Variants in TEX2 observed in about 807,000 individuals in gnomAD.
TEX2 encodes the protein testis expressed 2, also known as testis-expressed protein 2.
In TEX2, 53 loss-of-function variants were observed where a neutral mutation model predicts 106.9. The observed-to-expected ratio is 0.50, with a 90% CI of 0.40 to 0.62. The LOEUF (loss-of-function observed/expected upper bound fraction) is 0.62. Ranked by LOEUF, TEX2 falls within the 20% of genes least tolerant of loss-of-function variation. The pLI is 0.00. For synonymous variants in TEX2, 523 were observed against 534.8 expected (o/e 0.98, Z 0.30); for missense variants, 1,207 against 1,379.0 (o/e 0.88, Z 1.98).
intron 1 of TEX2, among the ~76,000 whole-genome samples, chr17:64,249,523 T>C (rs1555636702): frequency 6.6e-6 from 1 of 152,058 alleles, no homozygotes; most frequent in Non-Finnish European, 1.5e-5. Context: ...TCAACAAATA[T>C]ACATATATTA....
In TEX2 at chr17:64,154,883, C is replaced by T. The variant is rs2030543163; in HGVS notation, c.2889G>A (p.Glu963=). 1 of 1,608,990 alleles carries T rather than the reference C, an allele frequency of 6.2e-7. No individual in the cohort carries two copies. The highest frequency in any genetic ancestry group is 8.5e-7 in the Non-Finnish European group (1 of 1,178,314). Residue 963 remains glutamate, a synonymous_variant, in exon 9 of 12, where the codon GAG becomes GAA. Coordinates refer to ENST00000584379, the MANE Select transcript of TEX2 (RefSeq NM_001288732.2). ...GGAGCTGTTTGTCTCCCCCGCTGGG[C>T]TCTGGGGCATCGTCTTCCTCGGAGG... is the stretch of plus-strand genomic sequence containing the variant. ...AGSSEEDDAP[E]PSGGDKQLLP... is the part of the protein sequence containing the mutation.
At chr17:64,223,604 G>A (rs904251330) in intron 1 of TEX2, among the ~76,000 whole-genome samples, 10 of 151,734 alleles carry the variant, frequency 6.6e-5, no homozygotes, top group African/African-American at 2.4e-4. Flanking sequence ...AGGAAATACT[G>A]GAGGAAAGAA....
At chr17:64,222,822 G>A (rs2033396983) in intron 1 of TEX2, among the ~76,000 whole-genome samples, 1 of 151,930 alleles carries the variant, frequency 6.6e-6, no homozygotes, top group Admixed American at 6.6e-5. Context: ...CATACATTTG[G>A]GGTGGGGCAG....
In TEX2 at chr17:64,153,886, C is replaced by T. The variant is rs560148107; in HGVS notation, c.2931-732G>A. 7.2e-5 allele frequency among the ~76,000 whole-genome samples: 11 copies of T among 152,244 alleles called. No individual in the cohort carries two copies. Among genetic ancestry groups the T allele is most frequent in the South Asian group, 2.1e-4 (1 of 4,824 alleles). On this transcript the variant is annotated intron_variant, in intron 9 of 11. Coordinates refer to ENST00000584379, the MANE Select transcript of TEX2 (RefSeq NM_001288732.2). This position sits in a 1 kb window ranked among gnomAD's most constrained non-coding sequence, Gnocchi z 4.1. ...GGTTGAGGCTGCATTGAGCTATGAT[C>T]GTGCCACTGCACTCCAGGCCTGGGT... is the stretch of plus-strand genomic sequence containing the variant.
At chr17:64,207,798 C>G (rs1281787515) in intron 2 of TEX2, among the ~76,000 whole-genome samples, 1 of 150,726 alleles carries the variant, frequency 6.6e-6, no homozygotes, top group African/African-American at 2.4e-5. Flanking sequence ...GGCAGTGGTG[C>G]GATCGCAGCT....
intron 1 of TEX2, among the ~76,000 whole-genome samples, chr17:64,255,112 A>G (rs1486011083): frequency 7.0e-6 from 1 of 142,674 alleles, no homozygotes; most frequent in African/African-American, 2.6e-5. Flanking sequence ...GTGATCCTCC[A>G]CTTCGGTCTC....
At chr17:64,251,412 A>T (rs1421143088) in intron 1 of TEX2, among the ~76,000 whole-genome samples, 2 of 152,218 alleles carry the variant, frequency 1.3e-5, no homozygotes, top group Non-Finnish European at 2.9e-5. Flanking sequence ...TATAAAGCTT[A>T]AAGCCTTCTT....
intron 4 of TEX2, among the ~76,000 whole-genome samples, chr17:64,191,137 C>A (rs1283354459): frequency 6.6e-6 from 1 of 152,160 alleles, no homozygotes; most frequent in Non-Finnish European, 1.5e-5. Flanking sequence ...TCAAAGGCAA[C>A]CCAGACTTAC....
intron 8 of TEX2, among the ~76,000 whole-genome samples, chr17:64,160,444 TATTGCTGTTTATGACCG>T (rs2030830495): frequency 6.6e-6 from 1 of 152,226 alleles, no homozygotes; most frequent in Non-Finnish European, 1.5e-5. Flanking sequence ...CTGCTCCACA[TATTGCTGTTTATGACCG>T]GAAGGATCTT....
chr17:64,163,452 A>C (rs1178501015), intron 7 of TEX2, among the ~76,000 whole-genome samples: 1 of 152,170 alleles, frequency 6.6e-6, no homozygotes, highest in African/African-American at 2.4e-5. Flanking sequence ...GAATGGTTTA[A>C]GAACTTTTAA....
intron 1 of TEX2, among the ~76,000 whole-genome samples, chr17:64,243,579 A>G (rs925991594): frequency 6.6e-6 from 1 of 152,144 alleles, no homozygotes; most frequent in African/African-American, 2.4e-5. Context: ...GGAACAACCA[A>G]CAAGGGACAT....
rs1048258780 is a variant in TEX2 at position 64,149,148 on chromosome 17, C to G, written c.3262-57G>C. On this transcript the variant is annotated intron_variant, in intron 11 of 11. Transcript: ENST00000584379. ...GAAGAATGCCTTGCCAGGCTGTCAC[C>G]CTCCTTTGTTCTGATAATTTTAGGG... The G allele has an allele frequency of 1.1e-5, 17 of 1,591,866 alleles. No homozygotes were observed. In the Middle Eastern group the frequency reaches 5.0e-4, roughly 47 times the overall value.
At chr17:64,155,185 G>C (rs1343522636) in intron 8 of TEX2, 37 of 452,082 alleles carry the variant, frequency 8.2e-5, no homozygotes, top group Non-Finnish European at 1.3e-4. Context: ...TCAGCACCAA[G>C]GCCTCTGACA....
chr17:64,247,184 G>A (rs2034004405), intron 1 of TEX2, among the ~76,000 whole-genome samples: 2 of 151,596 alleles, frequency 1.3e-5, no homozygotes, highest in Non-Finnish European at 2.9e-5. Flanking sequence ...CAGGATAATC[G>A]CTTAAACCCA....
intron 6 of TEX2, among the ~76,000 whole-genome samples, chr17:64,176,426 T>G (rs933235462): frequency 6.6e-6 from 1 of 152,196 alleles, no homozygotes; most frequent in Non-Finnish European, 1.5e-5. Context: ...GTTTTTCTAG[T>G]GAAAGGATAT....
intron 4 of TEX2, among the ~76,000 whole-genome samples, chr17:64,188,643 C>G (rs527344393): frequency 3.0e-4 from 45 of 152,042 alleles, no homozygotes; most frequent in African/African-American, 9.2e-4. Context: ...AGTGAAACCC[C>G]ATCTCTACTA....
intron 2 of TEX2, among the ~76,000 whole-genome samples, chr17:64,206,570 T>G (rs1290706288): frequency 7.3e-6 from 1 of 137,912 alleles, no homozygotes; most frequent in African/African-American, 2.6e-5. Context: ...TTTTTTTTTT[T>G]TTTTTTTGAG....
intron 1 of TEX2, among the ~76,000 whole-genome samples, chr17:64,223,486 C>T (rs1163136888): frequency 6.6e-6 from 1 of 150,852 alleles, no homozygotes; most frequent in Non-Finnish European, 1.5e-5. Flanking sequence ...TGGTTCGTTC[C>T]AGGCCACTCA....
At chr17:64,258,136 T>C (rs1335637229) in intron 1 of TEX2, among the ~76,000 whole-genome samples, 1 of 152,144 alleles carries the variant, frequency 6.6e-6, no homozygotes, top group African/African-American at 2.4e-5. Context: ...GGTCTGGAAC[T>C]CCTGAGCTCA....
Sources: gnomAD v4.1 joint callset for allele counts (sites outside exome capture counted in the v4.1 genomes callset) on GRCh38, gnomAD v4.1.1 for gene constraint, Gnocchi (gnomAD v3.1) non-coding constraint, MANE v1.5 for transcripts, NCBI Gene and HGNC (gene_info 2026-07-23, HGNC 2026-07-21) for gene names.